The following CEP112 variants were observed in gnomAD, a reference collection of about 807,000 sequenced individuals.
CEP112 encodes centrosomal protein of 112 kDa.
A neutral mutation model predicts 153.0 loss-of-function variants in CEP112; 127 were observed. The observed-to-expected ratio is 0.83, with a 90% confidence interval of 0.72 to 0.96. The LOEUF is 0.96. Among genes scored for constraint, CEP112 ranks in the 40% least tolerant of loss-of-function variants. CEP112 has a pLI of 0.00. For missense variants in CEP112, 1,089 were observed against 1,101.2 expected, an observed-to-expected ratio of 0.99 and a Z score of 0.16; for synonymous variants, 358 against 374.4, an observed-to-expected ratio of 0.96 and a Z score of 0.51.
intron 19 of CEP112, among the ~76,000 whole-genome samples, chr17:65,920,263 T>C (rs1329448774): frequency 6.7e-6 from 1 of 148,866 alleles, no homozygotes; most frequent in African/African-American, 2.5e-5. Context: ...GAAGAATCAC[T>C]TGAACGTGGG....
At chr17:65,846,566 T>G (rs2057731841) in intron 21 of CEP112, among the ~76,000 whole-genome samples, 1 of 151,132 alleles carries the variant, frequency 6.6e-6, no homozygotes, top group South Asian at 2.1e-4. Flanking sequence ...CTTTTTGTTT[T>G]GTTTTGTTTT....
chr17:66,186,743 T>C (rs923087372), intron 1 of CEP112, among the ~76,000 whole-genome samples: 9 of 152,224 alleles, frequency 5.9e-5, no homozygotes, highest in Admixed American at 5.2e-4. Flanking sequence ...CAACATTACC[T>C]GAACCCTCAG....
chr17:65,826,266 C>T (rs573727987), intron 21 of CEP112: 9 of 1,614,030 alleles, frequency 5.6e-6, no homozygotes, highest in Admixed American at 1.7e-5. Flanking sequence ...TTTTCCTTGG[C>T]AGATGGATGG....
intron 8 of CEP112, among the ~76,000 whole-genome samples, chr17:66,071,095 T>C (rs1203107147): frequency 6.6e-6 from 1 of 152,218 alleles, no homozygotes; most frequent in African/African-American, 2.4e-5. Flanking sequence ...TTGAAAATTT[T>C]TGAAATACAC....
intron 21 of CEP112, among the ~76,000 whole-genome samples, chr17:65,791,893 A>C (rs2054610464): frequency 6.6e-6 from 1 of 152,220 alleles, no homozygotes; most frequent in East Asian, 1.9e-4. Flanking sequence ...ATACATAAAG[A>C]CAATTTTCAC....
At chr17:65,760,810 G>A (rs2052567267) in intron 21 of CEP112, among the ~76,000 whole-genome samples, 1 of 152,062 alleles carries the variant, frequency 6.6e-6, no homozygotes, top group Non-Finnish European at 1.5e-5. Flanking sequence ...GAAAGAGATT[G>A]TAGAGGATTG....
intron 4 of CEP112, among the ~76,000 whole-genome samples, chr17:66,148,686 A>C (rs1402736427): frequency 5.9e-5 from 9 of 152,166 alleles, no homozygotes; most frequent in Admixed American, 5.9e-4. Flanking sequence ...AAATTTAATT[A>C]ATTTTTTGCA....
At chr17:65,972,889 C>T (rs1308710799) in intron 17 of CEP112, among the ~76,000 whole-genome samples, 1 of 152,214 alleles carries the variant, frequency 6.6e-6, no homozygotes, top group Non-Finnish European at 1.5e-5. Context: ...CCTCAGCCTC[C>T]CGAGTAGCTG....
intron 20 of CEP112, chr17:65,873,235 C>T (rs1242834927): frequency 6.6e-6 from 1 of 152,210 alleles, no homozygotes; most frequent in Non-Finnish European, 1.5e-5. Context: ...CTGACTAAAC[C>T]TTTTTGTTAC....
At chr17:66,141,120 T>C (rs1185816494) in intron 4 of CEP112, among the ~76,000 whole-genome samples, 1 of 149,850 alleles carries the variant, frequency 6.7e-6, no homozygotes, top group African/African-American at 2.5e-5. Flanking sequence ...GTTATAGCCA[T>C]CTTTTTATTT....
intron 17 of CEP112, among the ~76,000 whole-genome samples, chr17:65,991,883 C>T (rs2063609831): frequency 6.6e-6 from 1 of 152,094 alleles, no homozygotes; most frequent in African/African-American, 2.4e-5. Context: ...TTCAGTTATA[C>T]TTTAAAATCC....
intron 4 of CEP112, among the ~76,000 whole-genome samples, chr17:66,148,243 A>C (rs2071007718): frequency 6.6e-6 from 1 of 152,174 alleles, no homozygotes; most frequent in Non-Finnish European, 1.5e-5. Flanking sequence ...CTACCACAAG[A>C]ACAGTATGGA....
intron 21 of CEP112, among the ~76,000 whole-genome samples, chr17:65,774,747 G>A (rs1332749452): frequency 1.3e-5 from 2 of 152,186 alleles, no homozygotes; most frequent in African/African-American, 4.8e-5. Flanking sequence ...ACTGAGGCCT[G>A]AGGTGATGAA....
rs972083005 is a variant in CEP112, at chr17:65,913,793, G to A, written c.1981-11459C>T. Reference sequence around the variant, plus strand: ...CATGATACAGGGAGAGCAGAAGGCTGGAAACACAGCTGTGATTAGCAAGCT... The same window carrying A: ...CATGATACAGGGAGAGCAGAAGGCTAGAAACACAGCTGTGATTAGCAAGCT... On this transcript the variant is annotated intron_variant, in intron 19 of 26. Transcript: ENST00000535342. 3 of 985,286 alleles carry A rather than the reference G, an allele frequency of 3.0e-6. No homozygotes were observed. The African/African-American group carries it at 5.2e-5, about 17-fold the overall frequency. The allele number at this position is 985,286 out of a possible 1,614,324, so 61.0% of individuals were successfully genotyped here. A position where few individuals can be genotyped will look rare whatever the true frequency, so the allele number is the denominator to read the frequency against.
intron 24 of CEP112, 131 bp from the exon 25 acceptor site, chr17:65,641,196 A>G: frequency 1.7e-6 from 1 of 573,930 alleles, no homozygotes; most frequent in Non-Finnish European, 3.1e-6. Context: ...CAGACAATAA[A>G]GATGAAATAA....
At chr17:66,189,690 C>CA (rs1184937550) in intron 1 of CEP112, among the ~76,000 whole-genome samples, 1 of 151,712 alleles carries the variant, frequency 6.6e-6, no homozygotes, top group Non-Finnish European at 1.5e-5. Context: ...GAAAAAGAAA[C>CA]AAAAAAACTA....
At chr17:66,079,510 CACAA>C (rs2067634139) in intron 8 of CEP112, among the ~76,000 whole-genome samples, 1 of 151,968 alleles carries the variant, frequency 6.6e-6, no homozygotes, top group African/African-American at 2.4e-5. Context: ...TCTCTTTGAA[CACAA>C]ACAAATGAAA....
intron 17 of CEP112, among the ~76,000 whole-genome samples, chr17:65,965,799 T>G (rs1252612716): frequency 6.6e-6 from 1 of 152,174 alleles, no homozygotes; most frequent in Non-Finnish European, 1.5e-5. Flanking sequence ...ATTACAGGCA[T>G]AAGCCGCTGC....
chr17:65,695,485 G>A (rs1458497952), intron 23 of CEP112, among the ~76,000 whole-genome samples: 1 of 152,090 alleles, frequency 6.6e-6, no homozygotes, highest in Non-Finnish European at 1.5e-5. Context: ...CACACATTAA[G>A]GAATTATGTA....
Sources: allele counts gnomAD v4.1 joint callset (sites outside exome capture counted in the v4.1 genomes callset), GRCh38; gene constraint gnomAD v4.1.1; transcripts MANE v1.5; gene names NCBI Gene and HGNC (gene_info 2026-07-23, HGNC 2026-07-21).